Variants in ZNF543 observed in about 807,000 individuals in gnomAD.
ZNF543 encodes the protein zinc finger protein 543.
A neutral mutation model predicts 13.4 loss-of-function variants in ZNF543; 10 were observed. The ratio of observed to expected loss-of-function variants is 0.75; its 90% confidence interval spans 0.46 to 1.26. The LOEUF is 1.26. Ranked by LOEUF, ZNF543 falls within the 50% of genes most tolerant of loss-of-function variation. The pLI is 0.00. For synonymous variants in ZNF543, 272 were observed against 264.7 expected, an observed-to-expected ratio of 1.03 and a Z score of -0.27; for missense variants, 768 against 741.2, an observed-to-expected ratio of 1.04 and a Z score of -0.42.
chr19:57,329,305 A>G lies in ZNF543; in HGVS notation c.*40A>G, dbSNP rs1472288306. ...CCATCTGGCCATTCACACTGAAGAG[A>G]AACTTCATAAGCATCCTCTCTTTGA... On this transcript the variant is annotated 3_prime_UTR_variant, in exon 4 of 4. Coordinates refer to ENST00000321545, the MANE Select transcript of ZNF543 (RefSeq NM_213598.4). 4.5e-6 allele frequency: 7 copies of G among 1,545,268 alleles called. No individual in the cohort carries two copies. In the South Asian group the frequency reaches 8.9e-5, roughly 20 times the overall value.
chr19:57,326,960 T>TG (rs1194451114), intron 3 of ZNF543, among the ~76,000 whole-genome samples: 3 of 147,986 alleles, frequency 2.0e-5, no homozygotes, highest in African/African-American at 7.5e-5. Context: ...CTCAACCTCC[T>TG]GGGCTCAAGG....
At position 57,329,514 on chromosome 19, in the gene ZNF543, ATTTTT is replaced by A; in HGVS notation, c.*261_*265del. 2.5e-5 allele frequency: 7 copies of A among 275,162 alleles called. No individual in the cohort carries two copies. The highest frequency in any genetic ancestry group is 6.9e-5 in the East Asian group (1 of 14,464). 17.0% of individuals were successfully genotyped at this position (275,162 alleles called of 1,614,324 possible). On this transcript the variant is annotated 3_prime_UTR_variant, in exon 4 of 4. Transcript: ENST00000321545. ...TACAGTGAAATATTATCTCAGGGAT[ATTTTT>A]TTTTTTTTTTTGAGACGGAGTCTCG... is the stretch of plus-strand genomic sequence containing the variant.
At position 57,320,582 on chromosome 19, in the gene ZNF543, A is replaced by C; in HGVS notation, c.-272A>C. 1 of 503,888 alleles carries C rather than the reference A, an allele frequency of 2.0e-6. No homozygotes were observed. The highest frequency in any genetic ancestry group is 2.3e-5 in the South Asian group (1 of 43,522). 31.2% of individuals were successfully genotyped at this position (503,888 alleles called of 1,614,324 possible). A position where few individuals can be genotyped will look rare whatever the true frequency, so the allele number is the denominator to read the frequency against. ...AGCAGGGGAGGGTAATGAGGCTGTT[A>C]CGCGCCTTCTCCGCATCTTGGCGGG... On this transcript the variant is annotated 5_prime_UTR_variant, in exon 1 of 4. Coordinates refer to ENST00000321545, the MANE Select transcript of ZNF543 (RefSeq NM_213598.4).
rs2088135580 is a variant in ZNF543 at position 57,328,184 on chromosome 19, A to G, written c.722A>G (p.His241Arg). ...ECGKTFSKST[H>R]LLQHLIIHTG... is the part of the protein sequence containing the mutation. ...GGGAAAACCTTTAGCAAGAGCACTC[A>G]TCTTCTTCAGCACCTCATCATCCAC... Residue 241 changes from histidine (H) to arginine (R), a missense_variant, in exon 4 of 4, where the codon CAT (histidine) becomes CGT (arginine). His to Arg is a conservative substitution (Grantham distance 29). This residue lies in a region of ZNF543 where 677 missense variants were observed against 631.4 expected (regional missense o/e 1.07). Coordinates refer to ENST00000321545, the MANE Select transcript of ZNF543 (RefSeq NM_213598.4). 2.5e-6 allele frequency: 4 copies of G among 1,613,348 alleles called. No individual in the cohort carries two copies. The highest frequency in any genetic ancestry group is 2.2e-5 in the East Asian group (1 of 44,868).
Position 57,327,567 on chromosome 19 carries a change from A to T in ZNF543, c.242-137A>T, listed in dbSNP as rs1241040507. 3 of 1,185,402 alleles carry T rather than the reference A, an allele frequency of 2.5e-6. No individual in the cohort carries two copies. The African/African-American group carries it at 4.7e-5, about 19-fold the overall frequency. The allele number at this position is 1,185,402 out of a possible 1,614,324, so 73.4% of individuals were successfully genotyped here. On this transcript the variant is annotated intron_variant, in intron 3 of 3. Coordinates refer to ENST00000321545, the MANE Select transcript of ZNF543 (RefSeq NM_213598.4). ...ACCATGTTGGCCAGGCTGGTCTCAA[A>T]CTCCTGACCTCAGGTGATCTGCCTG...
In ZNF543 at chr19:57,329,315, A is replaced by C. The variant is rs1420282875; in HGVS notation, c.*50A>C. ...ATTCACACTGAAGAGAAACTTCATA[A>C]GCATCCTCTCTTTGAGAAAACGTGT... is the stretch of plus-strand genomic sequence containing the variant. On this transcript the variant is annotated 3_prime_UTR_variant, in exon 4 of 4. Transcript: ENST00000321545. The C allele has an allele frequency of 6.5e-7, 1 of 1,532,118 alleles. No individual in the cohort carries two copies. The allele number at this position is 1,532,118 out of a possible 1,614,324, so 94.9% of individuals were successfully genotyped here. A position where few individuals can be genotyped will look rare whatever the true frequency, so the allele number is the denominator to read the frequency against.
At position 57,320,902 on chromosome 19, in the gene ZNF543, G is replaced by T. The variant is rs747902295; in HGVS notation, c.18+31G>T. ...TGGACGAGGTTTTGGCCTTGCTGCT[G>T]CTCTGCTACTTCTGGAGGCCTCGTG... On this transcript the variant is annotated intron_variant, in intron 1 of 3. Transcript: ENST00000321545. 1.1e-5 allele frequency: 17 copies of T among 1,613,798 alleles called. No individual in the cohort carries two copies. The African/African-American group carries it at 2.0e-4, about 19-fold the overall frequency.
At position 57,330,403 on chromosome 19, in the gene ZNF543, C is replaced by G. The variant is rs763238655; in HGVS notation, c.*1138C>G. On this transcript the variant is annotated 3_prime_UTR_variant, in exon 4 of 4. Coordinates refer to ENST00000321545, the MANE Select transcript of ZNF543 (RefSeq NM_213598.4). ...TTACCTCTCCTTTGAGTTAGGTCCA[C>G]CTCAGTTTTCTAAAGGTCAAATTAA... The G allele has an allele frequency of 2.6e-5, 4 of 151,958 alleles. No individual in the cohort carries two copies. Among genetic ancestry groups the G allele is most frequent in the Non-Finnish European group, 5.9e-5 (4 of 68,008 alleles). The allele number at this position is 151,958 out of a possible 1,614,324, so 9.4% of individuals were successfully genotyped here. A position where few individuals can be genotyped will look rare whatever the true frequency, so the allele number is the denominator to read the frequency against.
intron 2 of ZNF543, among the ~76,000 whole-genome samples, chr19:57,324,256 C>T (rs952645323): frequency 1.3e-5 from 2 of 149,800 alleles, no homozygotes; most frequent in Non-Finnish European, 3.0e-5. Context: ...GAGGCTGAGG[C>T]AGGAGAATCA....
intron 1 of ZNF543, 146 bp downstream of exon 1, chr19:57,321,017 C>T: frequency 8.8e-7 from 1 of 1,140,792 alleles, no homozygotes; most frequent in South Asian, 1.4e-5. Flanking sequence ...TTTCCTTTAT[C>T]CGCAGTCCTG....
chr19:57,323,572 G>A (rs769239380), intron 1 of ZNF543, 110 bp from the exon 2 acceptor site: 1 of 1,359,620 alleles, frequency 7.4e-7, no homozygotes, highest in South Asian at 1.2e-5. Flanking sequence ...GAGATGCTTG[G>A]TGATTTGATT....
At position 57,328,112 on chromosome 19, in the gene ZNF543, A is replaced by G. The variant is rs1298452612; in HGVS notation, c.650A>G (p.His217Arg). The G allele has an allele frequency of 2.5e-6, 4 of 1,614,162 alleles. No individual in the cohort carries two copies. The highest frequency in any genetic ancestry group is 1.1e-5 in the South Asian group (1 of 91,092). ...VFKKNALLVQHERIHTQVKPY... is the reference protein window; with the variant it reads ...VFKKNALLVQRERIHTQVKPY... ...AAAAAGAATGCCCTCCTTGTTCAGC[A>G]TGAACGGATTCACACTCAAGTGAAG... The change falls in exon 4 of 4, where the codon CAT becomes CGT. Residue 217 changes from histidine (H) to arginine (R), a missense_variant. By Grantham distance (29) the His-to-Arg change is conservative. This residue lies in a region of ZNF543 where 677 missense variants were observed against 631.4 expected (regional missense o/e 1.07). Coordinates refer to ENST00000321545, the MANE Select transcript of ZNF543 (RefSeq NM_213598.4).
chr19:57,325,441 C>T (rs563841980), intron 2 of ZNF543, among the ~76,000 whole-genome samples: 1 of 152,326 alleles, frequency 6.6e-6, no homozygotes, highest in African/African-American at 2.4e-5. Context: ...TGCAGATCAG[C>T]TCATACAGTC....
chr19:57,326,493 G>C (rs1266823731), intron 2 of ZNF543, 140 bp from the exon 3 acceptor site: 1 of 622,924 alleles, frequency 1.6e-6, no homozygotes, highest in Non-Finnish European at 2.8e-6. Flanking sequence ...TTGTTTTATG[G>C]TCACGGTTCA....
At chr19:57,326,387 A>T (rs1351568753) in intron 2 of ZNF543, among the ~76,000 whole-genome samples, 3 of 152,092 alleles carry the variant, frequency 2.0e-5, no homozygotes, top group Admixed American at 6.5e-5. Flanking sequence ...GCTGGTCTCG[A>T]ACTCCTGACC....
At chr19:57,323,289 T>G (rs1292208149) in intron 1 of ZNF543, among the ~76,000 whole-genome samples, 1 of 151,966 alleles carries the variant, frequency 6.6e-6, no homozygotes, top group Non-Finnish European at 1.5e-5. Flanking sequence ...CCTCCCGGGT[T>G]CACGCCATTC....
At chr19:57,327,370 A>G (rs2088127857) in intron 3 of ZNF543, among the ~76,000 whole-genome samples, 1 of 146,558 alleles carries the variant, frequency 6.8e-6, no homozygotes, top group Admixed American at 6.9e-5. Context: ...TCCGAGATGG[A>G]GCCTCCCACT....
At position 57,329,084 on chromosome 19, in the gene ZNF543, G is replaced by T. The variant is rs1296856719; in HGVS notation, c.1622G>T (p.Gly541Val). 3.7e-6 allele frequency: 6 copies of T among 1,614,218 alleles called. No homozygotes were observed. Among genetic ancestry groups the T allele is most frequent in the Non-Finnish European group, 5.1e-6 (6 of 1,180,034 alleles). ...GEKPYECSEC[G>V]KAFNRGSSLT... Reference sequence around the variant, plus strand: ...AAGCCGTATGAATGCAGTGAGTGTGGAAAGGCTTTTAATCGCGGCTCATCC... The same window carrying T: ...AAGCCGTATGAATGCAGTGAGTGTGTAAAGGCTTTTAATCGCGGCTCATCC... The change falls in exon 4 of 4, where the codon GGA becomes GTA. Residue 541 changes from glycine to valine, a missense_variant. Coordinates refer to ENST00000321545, the MANE Select transcript of ZNF543 (RefSeq NM_213598.4).
At chr19:57,324,114 G>C (rs1041192420) in intron 2 of ZNF543, among the ~76,000 whole-genome samples, 1 of 152,126 alleles carries the variant, frequency 6.6e-6, no homozygotes, top group Non-Finnish European at 1.5e-5. Flanking sequence ...CACTTTGGGA[G>C]GCCGACGCGG....
Sources: gnomAD v4.1 joint callset for allele counts (sites outside exome capture counted in the v4.1 genomes callset) on GRCh38, gnomAD v4.1.1 for gene constraint, gnomAD v4.1.1 regional missense constraint, MANE v1.5 for transcripts, NCBI Gene and HGNC (gene_info 2026-07-23, HGNC 2026-07-21) for gene names.